Variants in PTK2B observed in about 807,000 individuals in gnomAD.
The protein encoded by PTK2B is protein tyrosine kinase 2 beta.
In PTK2B, 71 loss-of-function variants were observed where a neutral mutation model predicts 142.9. The ratio of observed to expected loss-of-function variants is 0.50; its 90% CI spans 0.41 to 0.61. The LOEUF (loss-of-function observed/expected upper bound fraction) is 0.61, where lower values mean the gene tolerates loss of function less well. Among genes scored for constraint, PTK2B ranks in the 20% least tolerant of loss-of-function variants. The pLI is 0.00. For missense variants in PTK2B, 1,105 were observed against 1,320.4 expected (o/e 0.84, Z 2.53); for synonymous variants, 519 against 503.4 (o/e 1.03, Z -0.42).
At chr8:27,445,120 A>G (rs141991163) in intron 23 of PTK2B, among the ~76,000 whole-genome samples, 2 of 152,346 alleles carry the variant, frequency 1.3e-5, no homozygotes, top group Non-Finnish European at 2.9e-5. Flanking sequence ...CTGTAGTCCC[A>G]GCTACTAAGG....
At chr8:27,317,815 A>G (rs1182366062) in intron 3 of PTK2B, among the ~76,000 whole-genome samples, 1 of 152,126 alleles carries the variant, frequency 6.6e-6, no homozygotes, top group Non-Finnish European at 1.5e-5. Context: ...GATCATCCAC[A>G]TGAAGTTACA....
At chr8:27,458,250 A>G (rs1480482204) in intron 30 of PTK2B, 44 bp from the exon 31 acceptor site, 1 of 1,580,674 alleles carries the variant, frequency 6.3e-7, no homozygotes. Context: ...CTCCAAGCAC[A>G]GACTTTGTGG....
In PTK2B at chr8:27,458,392, G is replaced by T. The variant is rs371598283; in HGVS notation, c.2913G>T (p.Glu971Asp). ...QQNAVTSLSE[E>D]CKRQMLTASH... The stretch of plus-strand genomic sequence containing the variant: ...ACGCCGTGACCTCCCTAAGTGAGGA[G>T]TGCAAGAGGCAGATGCTGACGGCTT... The change falls in exon 31 of 31, where the codon GAG (glutamate) becomes GAT (aspartate). Residue 971 changes from glutamate to aspartate, a missense_variant. Physicochemically the swap from Glu to Asp is conservative, Grantham distance 45. Transcript: ENST00000346049. The T allele has an allele frequency of 1.2e-5, 20 of 1,613,552 alleles. No homozygotes were observed. Among genetic ancestry groups the T allele is most frequent in the Non-Finnish European group, 1.7e-5 (20 of 1,179,740 alleles).
At chr8:27,315,736 A>G (rs982473015) in intron 3 of PTK2B, among the ~76,000 whole-genome samples, 3 of 152,186 alleles carry the variant, frequency 2.0e-5, no homozygotes, top group Admixed American at 6.5e-5. Flanking sequence ...CATTAAACCA[A>G]TAAGGCTCTT....
intron 1 of PTK2B, among the ~76,000 whole-genome samples, chr8:27,328,942 CT>C (rs147983841): frequency 7.9e-4 from 115 of 145,818 alleles, no homozygotes; most frequent in East Asian, 1.2e-3. Flanking sequence ...TGCGTGCAAC[CT>C]TTTTTTTTTT....
intron 10 of PTK2B, 93 bp from the exon 11 acceptor site, chr8:27,433,342 G>T: frequency 9.2e-7 from 1 of 1,084,332 alleles, no homozygotes; most frequent in Non-Finnish European, 1.4e-6. Flanking sequence ...GGCAAGGGTT[G>T]TGGCAGGGGT....
At chr8:27,334,711 C>T (rs896431717) in intron 1 of PTK2B, among the ~76,000 whole-genome samples, 3 of 152,190 alleles carry the variant, frequency 2.0e-5, no homozygotes, top group African/African-American at 7.2e-5. Flanking sequence ...CTGGCTCACA[C>T]GGAGTGAGCC....
chr8:27,429,957 ACT>A (rs1489791317), intron 5 of PTK2B, 134 bp from the exon 6 acceptor site: 5 of 788,658 alleles, frequency 6.3e-6, no homozygotes, highest in African/African-American at 5.1e-5. Flanking sequence ...AAATTTTATG[ACT>A]CTCCTAACTT....
At chr8:27,404,145 C>T (rs563863550) in intron 2 of PTK2B, among the ~76,000 whole-genome samples, 6 of 152,194 alleles carry the variant, frequency 3.9e-5, no homozygotes. Flanking sequence ...GACATGGTCA[C>T]CTTCGTCTAA....
chr8:27,440,559 A>G, intron 21 of PTK2B, 118 bp downstream of exon 21: 1 of 1,266,184 alleles, frequency 7.9e-7, no homozygotes, highest in Non-Finnish European at 1.1e-6. Flanking sequence ...AGGGTCAAGG[A>G]CAGGAGGCTG....
At position 27,340,476 on chromosome 8, in the gene PTK2B, C is replaced by T. The variant is rs751512177; in HGVS notation, c.-38+14795C>T. The stretch of plus-strand genomic sequence containing the variant: ...AGGGTGTCTGGATCTAGCAGGAGCA[C>T]GGTGGAGATAAGGCGAGAATGCTAT... On this transcript the variant is annotated intron_variant, in intron 1 of 30. Coordinates refer to ENST00000346049, the MANE Select transcript of PTK2B (RefSeq NM_173176.3). 5.9e-5 allele frequency among the ~76,000 whole-genome samples: 9 copies of T among 152,126 alleles called. 1 individual carries two copies. Among genetic ancestry groups the T allele is most frequent in the South Asian group, 2.1e-4 (1 of 4,822 alleles).
intron 30 of PTK2B, among the ~76,000 whole-genome samples, chr8:27,455,534 A>T (rs886219373): frequency 2.6e-5 from 4 of 152,172 alleles, no homozygotes; most frequent in African/African-American, 9.6e-5. Context: ...GGGTAACAGC[A>T]ACACCCTATC....
At position 27,363,454 on chromosome 8, in the gene PTK2B, G is replaced by T. The variant is rs536162739; in HGVS notation, c.-37-34094G>T. ...AAGGTTTTTTAATAATTAGAGCTCCGAGCAATGGGACAGGTTGCAGAAATG... is the reference window on the plus strand; with the variant it reads ...AAGGTTTTTTAATAATTAGAGCTCCTAGCAATGGGACAGGTTGCAGAAATG... On this transcript the variant is annotated intron_variant, in intron 1 of 30. Transcript: ENST00000346049. The surrounding 1 kb of genome is among the most constrained non-coding windows in gnomAD (Gnocchi z 4.3). Among the ~76,000 whole-genome samples the T allele has an allele frequency of 6.6e-5, 10 of 152,068 alleles. No individual in the cohort carries two copies. The highest frequency in any genetic ancestry group is 1.0e-4 in the Non-Finnish European group (7 of 68,014).
intron 28 of PTK2B, among the ~76,000 whole-genome samples, chr8:27,453,694 ATATAGC>A (rs1811963424): frequency 6.6e-6 from 1 of 152,260 alleles, no homozygotes; most frequent in Non-Finnish European, 1.5e-5. Flanking sequence ...AGCCTGGGCA[ATATAGC>A]AAGAACCCAT....
intron 15 of PTK2B, 98 bp from the exon 16 acceptor site, chr8:27,437,024 G>A: frequency 8.5e-7 from 1 of 1,173,494 alleles, no homozygotes; most frequent in Non-Finnish European, 1.3e-6. Flanking sequence ...GCCCTTTCCT[G>A]GCAGCAAAAT....
At position 27,442,905 on chromosome 8, in the gene PTK2B, C is replaced by T. The variant is rs535346683; in HGVS notation, c.2070C>T (p.Ala690=). 26 of 1,614,146 alleles carry T rather than the reference C, an allele frequency of 1.6e-5. No individual in the cohort carries two copies. In the East Asian group the frequency reaches 3.8e-4, roughly 24 times the overall value. The change falls in exon 22 of 31, where the codon GCC becomes GCT. Residue 690 remains alanine, a synonymous_variant. Transcript: ENST00000346049. Reference sequence around the variant, plus strand: ...TTTATCAGATGGAGAAGGACATTGCCATGGAGCAAGAGAGGAATGCTCGCT... The same window carrying T: ...TTTATCAGATGGAGAAGGACATTGCTATGGAGCAAGAGAGGAATGCTCGCT... The part of the protein sequence containing the change: ...SDVYQMEKDI[A]MEQERNARYR...
At chr8:27,454,011 G>T (rs999880081) in intron 28 of PTK2B, 143 bp from the exon 29 acceptor site, 3 of 1,207,820 alleles carry the variant, frequency 2.5e-6, no homozygotes, top group Non-Finnish European at 3.5e-6. Flanking sequence ...ATGCACCCCG[G>T]GACAGGGCAC....
Position 27,453,600 on chromosome 8 carries a change from C to T in PTK2B, c.2595+440C>T, listed in dbSNP as rs555473255. Reference sequence around the variant, plus strand: ...GGAGCTTTGAAACTCTCTGCATAGGCCAGGTGCCGTGGCTCACACCTGTAA... The same window carrying T: ...GGAGCTTTGAAACTCTCTGCATAGGTCAGGTGCCGTGGCTCACACCTGTAA... On this transcript the variant is annotated intron_variant, in intron 28 of 30. Transcript: ENST00000346049. Among the ~76,000 whole-genome samples the T allele has an allele frequency of 1.8e-4, 28 of 152,350 alleles. No homozygotes were observed. In the South Asian group the frequency reaches 4.6e-3, roughly 25 times the overall value.
intron 2 of PTK2B, among the ~76,000 whole-genome samples, chr8:27,404,442 TC>T (rs1431545816): frequency 6.6e-6 from 1 of 152,140 alleles, no homozygotes; most frequent in Non-Finnish European, 1.5e-5. Flanking sequence ...ATCACCCCAC[TC>T]AGAATTCACA....
Sources: gnomAD v4.1 joint callset for allele counts (sites outside exome capture counted in the v4.1 genomes callset) on GRCh38, gnomAD v4.1.1 for gene constraint, Gnocchi (gnomAD v3.1) non-coding constraint, MANE v1.5 for transcripts, NCBI Gene and HGNC (gene_info 2026-07-23, HGNC 2026-07-21) for gene names.